The following DMXL1 variants were observed in gnomAD, a reference collection of about 807,000 sequenced individuals.
The protein encoded by DMXL1 is dmX-like protein 1.
In DMXL1, 99 loss-of-function variants were observed where a neutral mutation model predicts 319.2. That is an observed-to-expected ratio of 0.31 (90% CI 0.26 to 0.37). DMXL1 has a LOEUF of 0.37. Ranked by LOEUF, DMXL1 falls within the 10% of genes least tolerant of loss-of-function variation. The pLI is 1.00. For missense variants in DMXL1, 3,745 were observed against 3,595.6 expected (o/e 1.04, Z -1.06); for synonymous variants, 1,385 against 1,235.2 (o/e 1.12, Z -2.54).
At chr5:119,087,850 G>A (rs1379592054) in intron 1 of DMXL1, among the ~76,000 whole-genome samples, 1 of 151,876 alleles carries the variant, frequency 6.6e-6, no homozygotes, top group East Asian at 1.9e-4. Context: ...TGCCCAGGCT[G>A]GAGTGCAATG....
At chr5:119,138,356 G>C (rs1174486166) in intron 13 of DMXL1, among the ~76,000 whole-genome samples, 1 of 152,180 alleles carries the variant, frequency 6.6e-6, no homozygotes, top group Non-Finnish European at 1.5e-5. Flanking sequence ...TTGAGGGGCA[G>C]GGAAATTCAA....
At chr5:119,116,086 T>A (rs890159388) in intron 6 of DMXL1, 72 bp from the exon 7 acceptor site, 2 of 1,420,720 alleles carry the variant, frequency 1.4e-6, no homozygotes, top group Non-Finnish European at 1.9e-6. Flanking sequence ...GAGAAAATTC[T>A]TACTTTTGCT....
intron 2 of DMXL1, among the ~76,000 whole-genome samples, chr5:119,101,652 T>G (rs1174763885): frequency 6.6e-6 from 1 of 152,212 alleles, no homozygotes; most frequent in Non-Finnish European, 1.5e-5. Context: ...TTACAAATGT[T>G]ATTTCAACCC....
At chr5:119,076,967 T>C (rs1484113820) in intron 1 of DMXL1, among the ~76,000 whole-genome samples, 1 of 152,246 alleles carries the variant, frequency 6.6e-6, no homozygotes, top group South Asian at 2.1e-4. Context: ...TTTAATTTTA[T>C]TGGTTAGTAA....
chr5:119,134,504 C>T (rs978567061), intron 13 of DMXL1, 115 bp downstream of exon 13: 1 of 925,464 alleles, frequency 1.1e-6, no homozygotes, highest in African/African-American at 1.7e-5. Context: ...GCATTTGTAT[C>T]TTTGTTTTAT....
chr5:119,071,398 C>T lies in DMXL1; in HGVS notation c.-172C>T, dbSNP rs1338691246. 47 of 620,258 alleles carry T rather than the reference C, an allele frequency of 7.6e-5. No homozygotes were observed. In the Admixed American group the frequency reaches 9.2e-4, roughly 12 times the overall value. The allele number at this position is 620,258 out of a possible 1,614,324, so 38.4% of individuals were successfully genotyped here. ...CCTCCGGGCCTCGCCCTCCGGGGCT[C>T]GGGATGAGTCGCGGGCCCCAGCTGA... On this transcript the variant is annotated 5_prime_UTR_variant, in exon 1 of 44. Coordinates refer to ENST00000539542, the MANE Select transcript of DMXL1 (RefSeq NM_001290321.3).
chr5:119,115,755 A>G (rs1207542891), intron 6 of DMXL1, among the ~76,000 whole-genome samples: 2 of 152,184 alleles, frequency 1.3e-5, no homozygotes, highest in South Asian at 2.1e-4. Flanking sequence ...GAAAAGTCAC[A>G]TGAAAATTCA....
At position 119,108,449 on chromosome 5, in the gene DMXL1, G is replaced by A. The variant is rs186706446; in HGVS notation, c.365-1702G>A. The stretch of plus-strand genomic sequence containing the variant: ...TTTTTTTCATTTTTTCTTGAGACAG[G>A]GTCTTGCTCTGTTGCCCAGGCTAGA... On this transcript the variant is annotated intron_variant, in intron 4 of 43. Transcript: ENST00000539542. 4.2e-4 allele frequency among the ~76,000 whole-genome samples: 64 copies of A among 151,972 alleles called. No homozygotes were observed. In the East Asian group the frequency reaches 0.011, roughly 27 times the overall value.
At chr5:119,076,346 G>A (rs982315555) in intron 1 of DMXL1, among the ~76,000 whole-genome samples, 1 of 151,988 alleles carries the variant, frequency 6.6e-6, no homozygotes, top group Non-Finnish European at 1.5e-5. Context: ...TTACTTTAAG[G>A]AAACCTTTAT....
chr5:119,213,325 A>G (rs924567806), intron 34 of DMXL1, among the ~76,000 whole-genome samples: 5 of 152,008 alleles, frequency 3.3e-5, no homozygotes, highest in African/African-American at 1.2e-4. Flanking sequence ...GCCTCCTCTA[A>G]CAGAGTGAAC....
chr5:119,141,584 T>A (rs1359903533), intron 13 of DMXL1, among the ~76,000 whole-genome samples: 1 of 152,106 alleles, frequency 6.6e-6, no homozygotes, highest in Non-Finnish European at 1.5e-5. Flanking sequence ...TACAAAACAT[T>A]GCTCAGATAA....
chr5:119,137,203 G>A (rs1580945110), intron 13 of DMXL1, among the ~76,000 whole-genome samples: 1 of 152,222 alleles, frequency 6.6e-6, no homozygotes, highest in African/African-American at 2.4e-5. Flanking sequence ...TTTAATGACT[G>A]CCTGGCCAGG....
intron 37 of DMXL1, among the ~76,000 whole-genome samples, chr5:119,222,890 C>G (rs1348345709): frequency 1.3e-5 from 2 of 152,064 alleles, no homozygotes; most frequent in Middle Eastern, 3.4e-3. Flanking sequence ...AATGCTCTAT[C>G]CCTCTGTTGT....
intron 32 of DMXL1, among the ~76,000 whole-genome samples, chr5:119,200,300 G>A (rs1389834411): frequency 3.3e-5 from 5 of 151,992 alleles, no homozygotes; most frequent in Non-Finnish European, 5.9e-5. Context: ...TTGGCTAGCC[G>A]GTTATCCCAG....
At chr5:119,242,780 G>T (rs541467976) in intron 42 of DMXL1, among the ~76,000 whole-genome samples, 1 of 152,210 alleles carries the variant, frequency 6.6e-6, no homozygotes, top group East Asian at 1.9e-4. Context: ...AACAGAATGG[G>T]GAGCCCACTA....
At chr5:119,204,414 C>T (rs1781400049) in intron 33 of DMXL1, among the ~76,000 whole-genome samples, 1 of 152,240 alleles carries the variant, frequency 6.6e-6, no homozygotes, top group African/African-American at 2.4e-5. Flanking sequence ...GCTGAGATTA[C>T]AGGCTTGAGC....
intron 28 of DMXL1, among the ~76,000 whole-genome samples, chr5:119,184,615 A>T (rs538547514): frequency 2.0e-5 from 3 of 152,278 alleles, no homozygotes; most frequent in Admixed American, 6.5e-5. Flanking sequence ...CATCTTGCAA[A>T]TCTGAAACTA....
At chr5:119,232,735 A>T (rs1172940100) in intron 38 of DMXL1, among the ~76,000 whole-genome samples, 2 of 152,032 alleles carry the variant, frequency 1.3e-5, no homozygotes, top group Non-Finnish European at 1.5e-5. Context: ...AGCCTCTTAG[A>T]GGCTGAAGTG....
chr5:119,138,476 G>C (rs984501011), intron 13 of DMXL1, among the ~76,000 whole-genome samples: 1 of 152,162 alleles, frequency 6.6e-6, no homozygotes, highest in African/African-American at 2.4e-5. Flanking sequence ...ATATACAGTA[G>C]TTGTCAGCAT....
Sources: gnomAD v4.1 joint callset for allele counts (sites outside exome capture counted in the v4.1 genomes callset) on GRCh38, gnomAD v4.1.1 for gene constraint, MANE v1.5 for transcripts, NCBI Gene and HGNC (gene_info 2026-07-23, HGNC 2026-07-21) for gene names.